EFCAB13: variants seen among roughly 807,000 people sequenced by gnomAD.
EFCAB13 encodes the protein EF-hand calcium-binding domain-containing protein 13.
A neutral mutation model predicts 110.2 loss-of-function variants in EFCAB13; 91 were observed. The ratio of observed to expected loss-of-function variants is 0.83; its 90% CI spans 0.70 to 0.98. The LOEUF (loss-of-function observed/expected upper bound fraction) is 0.98. Ranked by LOEUF, EFCAB13 falls within the 50% of genes least tolerant of loss-of-function variation. The probability of loss-of-function intolerance (pLI) is 0.00; values close to 1 mark genes in which losing one functional copy is unlikely to be tolerated. For missense variants in EFCAB13, 968 were observed against 1,119.4 expected (o/e 0.86, Z 1.93); for synonymous variants, 323 against 369.9 (o/e 0.87, Z 1.45).
chr17:47,365,486 T>C (rs1284245360), intron 10 of EFCAB13, among the ~76,000 whole-genome samples: 2 of 152,170 alleles, frequency 1.3e-5, no homozygotes, highest in South Asian at 4.1e-4. Context: ...TAAAGTACTG[T>C]ACATAAGAAA....
intron 23 of EFCAB13, among the ~76,000 whole-genome samples, chr17:47,418,235 G>A (rs1250471122): frequency 6.6e-6 from 1 of 152,156 alleles, no homozygotes; most frequent in African/African-American, 2.4e-5. Context: ...AACAGCATTT[G>A]CACAAAACAT....
chr17:47,344,142 A>G lies in EFCAB13; in HGVS notation c.304-20A>G, dbSNP rs763138951. The G allele has an allele frequency of 1.5e-5, 24 of 1,609,196 alleles. No individual in the cohort carries two copies. Among genetic ancestry groups the G allele is most frequent in the African/African-American group, 2.7e-5 (2 of 74,862 alleles). On this transcript the variant is annotated intron_variant, in intron 6 of 24. Transcript: ENST00000331493. ...AGTGTCACTCACCTCAGGCACCAACATACTTGCATTTGGCTCTAGATTATC... is the reference window on the plus strand; with the variant it reads ...AGTGTCACTCACCTCAGGCACCAACGTACTTGCATTTGGCTCTAGATTATC...
intron 11 of EFCAB13, among the ~76,000 whole-genome samples, chr17:47,372,969 T>G (rs2065593743): frequency 6.6e-6 from 1 of 152,140 alleles, no homozygotes; most frequent in African/African-American, 2.4e-5. Flanking sequence ...TTTGCCCAAA[T>G]TTGGATTGTT....
rs779753793 is a variant in EFCAB13 at position 47,374,594 on chromosome 17, A to G, written c.1000A>G (p.Ile334Val). 5.0e-6 allele frequency: 8 copies of G among 1,604,150 alleles called. No homozygotes were observed. In the Admixed American group the frequency reaches 8.7e-5, roughly 17 times the overall value. Residue 334 changes from isoleucine to valine, a missense_variant, in exon 12 of 25, where the codon ATA becomes GTA. Ile to Val is a conservative substitution (Grantham distance 29, BLOSUM62 3). Transcript: ENST00000331493. ...GTCTTCCAAACTCCCTGAACCTTCA[A>G]TATCCAAAAAGTTAAATAAAAAAAG... ...SLSSKLPEPS[I>V]SKKLNKKSNQ... is the part of the protein sequence containing the mutation.
chr17:47,354,946 T>C (rs2065471870), intron 9 of EFCAB13, among the ~76,000 whole-genome samples: 1 of 152,198 alleles, frequency 6.6e-6, no homozygotes, highest in South Asian at 2.1e-4. Flanking sequence ...GTTTTTTTCT[T>C]GTGTTATTGT....
chr17:47,398,324 A>G (rs1427453949), intron 17 of EFCAB13, among the ~76,000 whole-genome samples: 38 of 149,550 alleles, frequency 2.5e-4, no homozygotes, highest in Admixed American at 2.2e-3. Flanking sequence ...GGAAGTGAGG[A>G]GCCCCTCTGC....
intron 22 of EFCAB13, 78 bp downstream of exon 22, chr17:47,412,994 G>A: frequency 7.0e-7 from 1 of 1,434,520 alleles, no homozygotes; most frequent in East Asian, 2.3e-5. Context: ...TACCTATAAG[G>A]ATAAGATGCT....
chr17:47,345,543 C>T (rs1226320547), intron 8 of EFCAB13, among the ~76,000 whole-genome samples: 6 of 152,058 alleles, frequency 3.9e-5, no homozygotes, highest in Non-Finnish European at 8.8e-5. Flanking sequence ...TTTCCTTTTA[C>T]CTTAACTCTG....
intron 14 of EFCAB13, among the ~76,000 whole-genome samples, chr17:47,383,583 T>G (rs2143388972): frequency 6.6e-6 from 1 of 152,304 alleles, no homozygotes; most frequent in South Asian, 2.1e-4. Flanking sequence ...CATGTAGCTG[T>G]TTGGTTTTGA....
chr17:47,418,238 C>T lies in EFCAB13; in HGVS notation c.2494+3319C>T, dbSNP rs145521852. Among the ~76,000 whole-genome samples the T allele has an allele frequency of 4.2e-3, 647 of 152,306 alleles. 18 individuals are homozygous for T. In the East Asian group the frequency reaches 0.064, roughly 15 times the overall value. On this transcript the variant is annotated intron_variant, in intron 23 of 24. Coordinates refer to ENST00000331493, the MANE Select transcript of EFCAB13 (RefSeq NM_152347.5). ...GATTTTAAACCTAACAGCATTTGCA[C>T]AAAACATTAGAGCTAGCTTACCCTT...
chr17:47,434,567 A>G (rs1173016866), intron 24 of EFCAB13, among the ~76,000 whole-genome samples: 1 of 152,198 alleles, frequency 6.6e-6, no homozygotes, highest in Admixed American at 6.5e-5. Flanking sequence ...ATGGAACTAA[A>G]AAAGAGCCTG....
At chr17:47,397,693 A>T (rs1380072346) in intron 17 of EFCAB13, among the ~76,000 whole-genome samples, 11 of 116,396 alleles carry the variant, frequency 9.5e-5, no homozygotes, top group African/African-American at 3.0e-4. Flanking sequence ...GAGCGCCTCT[A>T]CCCGGCCGCG....
chr17:47,421,629 AAAAG>A (rs1223522369), intron 23 of EFCAB13, among the ~76,000 whole-genome samples: 12 of 89,452 alleles, frequency 1.3e-4, no homozygotes, highest in Admixed American at 2.0e-4. Context: ...AGCAATAAAA[AAAAG>A]AAAGAAAGAA....
rs998218781 is a variant in EFCAB13, at chr17:47,440,718, G to C, written c.*4G>C. ...TAACCCAAACTCAAAATTTTAGGTAGTCTTACTTGATAGTGCTAGAAAATT... is the reference window on the plus strand; with the variant it reads ...TAACCCAAACTCAAAATTTTAGGTACTCTTACTTGATAGTGCTAGAAAATT... On this transcript the variant is annotated 3_prime_UTR_variant, in exon 25 of 25. Transcript: ENST00000331493. The C allele has an allele frequency of 2.6e-6, 4 of 1,546,340 alleles. No individual in the cohort carries two copies. The African/African-American group carries it at 5.5e-5, about 21-fold the overall frequency.
intron 23 of EFCAB13, among the ~76,000 whole-genome samples, chr17:47,419,646 T>A (rs1904564607): frequency 6.6e-6 from 1 of 152,126 alleles, no homozygotes. Context: ...TACAAAATTA[T>A]CATTGGAGGA....
intron 5 of EFCAB13, among the ~76,000 whole-genome samples, chr17:47,341,075 G>C (rs2065381772): frequency 1.3e-5 from 2 of 151,946 alleles, no homozygotes. Context: ...CAAGCCTCTA[G>C]AATCCTACAA....
At chr17:47,359,520 T>C (rs917421545) in intron 9 of EFCAB13, among the ~76,000 whole-genome samples, 17 of 150,832 alleles carry the variant, frequency 1.1e-4, no homozygotes, top group African/African-American at 4.1e-4. Context: ...GAATTGTGTT[T>C]TTTTTTTTTT....
chr17:47,393,730 A>C (rs2065721574), intron 15 of EFCAB13, among the ~76,000 whole-genome samples: 1 of 106,706 alleles, frequency 9.4e-6, no homozygotes. Context: ...ATAAATAAAT[A>C]AATAAATAAA....
intron 9 of EFCAB13, among the ~76,000 whole-genome samples, chr17:47,359,103 C>T (rs1178808814): frequency 6.6e-6 from 1 of 152,028 alleles, no homozygotes; most frequent in African/African-American, 2.4e-5. Flanking sequence ...GAGGCCAAGG[C>T]GGGTGGATCA....
Sources: gnomAD v4.1 joint callset for allele counts (sites outside exome capture counted in the v4.1 genomes callset) on GRCh38, gnomAD v4.1.1 for gene constraint, MANE v1.5 for transcripts, NCBI Gene and HGNC (gene_info 2026-07-23, HGNC 2026-07-21) for gene names.